OR51L1: variants seen among roughly 807,000 people sequenced by gnomAD.
OR51L1 encodes the protein olfactory receptor family 51 subfamily L member 1, also known as olfactory receptor 51L1.
Under a neutral mutation model 1.4 loss-of-function variants are expected in OR51L1, and 1 was observed. The observed-to-expected ratio is 0.72, with a 90% CI of 0.26 to 3.42. OR51L1 has a LOEUF of 3.42. Ranked by LOEUF, OR51L1 falls within the 30% of genes most tolerant of loss-of-function variation. The pLI, the probability that OR51L1 is intolerant of heterozygous loss-of-function variation, is 0.20. For missense variants in OR51L1, 378 were observed against 380.0 expected (o/e 0.99, Z 0.04); for synonymous variants, 156 against 144.2 (o/e 1.08, Z -0.59).
rs1847116634 is a variant in OR51L1, at chr11:5,000,086, C to T, written c.*156C>T. On this transcript the variant is annotated 3_prime_UTR_variant, in exon 3 of 3. Coordinates refer to ENST00000641819, the MANE Select transcript of OR51L1 (RefSeq NM_001004755.2). Reference sequence around the variant, plus strand: ...CAGTTAATCTTTAACCAATATGAAACTCAGGATTTTTTTGGACAAATTGTG... The same window carrying T: ...CAGTTAATCTTTAACCAATATGAAATTCAGGATTTTTTTGGACAAATTGTG... 3.6e-6 allele frequency: 3 copies of T among 822,184 alleles called. No homozygotes were observed. The highest frequency in any genetic ancestry group is 5.4e-5 in the East Asian group (2 of 36,760). 50.9% of individuals were successfully genotyped at this position (822,184 alleles called of 1,614,324 possible).
At position 5,004,830 on chromosome 11, in the gene OR51L1, C is replaced by T. The variant is rs1467580757; in HGVS notation, c.*4900C>T. 1 of 152,046 alleles carries T rather than the reference C, an allele frequency of 6.6e-6. No individual in the cohort carries two copies. Among genetic ancestry groups the T allele is most frequent in the Non-Finnish European group, 1.5e-5 (1 of 68,016 alleles). 9.4% of individuals were successfully genotyped at this position (152,046 alleles called of 1,614,324 possible). A position where few individuals can be genotyped will look rare whatever the true frequency, so the allele number is the denominator to read the frequency against. On this transcript the variant is annotated 3_prime_UTR_variant, in exon 3 of 3. Coordinates refer to ENST00000641819, the MANE Select transcript of OR51L1 (RefSeq NM_001004755.2). Reference sequence around the variant, plus strand: ...TTGTAAGGCTTTCCTTTTGATATTTCTAAATACAACACATGTAGAATTTAT... The same window carrying T: ...TTGTAAGGCTTTCCTTTTGATATTTTTAAATACAACACATGTAGAATTTAT...
At chr11:4,996,303 T>C (rs916758295) in intron 1 of OR51L1, among the ~76,000 whole-genome samples, 8 of 149,630 alleles carry the variant, frequency 5.3e-5, no homozygotes, top group Admixed American at 4.9e-4. Context: ...TATGTATATG[T>C]CTATGTATAT....
rs1847163105 is a variant in OR51L1 at position 5,004,919 on chromosome 11, A to T, written c.*4989A>T. The T allele has an allele frequency of 6.6e-6, 1 of 152,168 alleles. No homozygotes were observed. Among genetic ancestry groups the T allele is most frequent in the East Asian group, 1.9e-4 (1 of 5,196 alleles). 9.4% of individuals were successfully genotyped at this position (152,168 alleles called of 1,614,324 possible). ...GATATGAATACATAGTTCAGTCAGAACTATGTAAAAGAAAATAAAAATTGA... is the reference window on the plus strand; with the variant it reads ...GATATGAATACATAGTTCAGTCAGATCTATGTAAAAGAAAATAAAAATTGA... On this transcript the variant is annotated 3_prime_UTR_variant, in exon 3 of 3. Coordinates refer to ENST00000641819, the MANE Select transcript of OR51L1 (RefSeq NM_001004755.2).
rs1485176059 is a variant in OR51L1 at position 5,002,428 on chromosome 11, C to T, written c.*2498C>T. The stretch of plus-strand genomic sequence containing the variant: ...TTACCCAAAGCATTTTGCATTTCCT[C>T]CCACAAAAAAAGGGCTCTGACATGG... On this transcript the variant is annotated 3_prime_UTR_variant, in exon 3 of 3. Transcript: ENST00000641819. 5.3e-5 allele frequency: 8 copies of T among 152,090 alleles called. No individual in the cohort carries two copies. The highest frequency in any genetic ancestry group is 1.7e-4 in the African/African-American group (7 of 41,420). The allele number at this position is 152,090 out of a possible 1,614,324, so 9.4% of individuals were successfully genotyped here.
rs1847165713 is a variant in OR51L1, at chr11:5,005,228, A to C, written c.*5298A>C. ...ATGTCACTTACAAGTTTATCTTCCC[A>C]GGTGCAGAAAAGTCAAGATTCATTT... On this transcript the variant is annotated 3_prime_UTR_variant, in exon 3 of 3. Coordinates refer to ENST00000641819, the MANE Select transcript of OR51L1 (RefSeq NM_001004755.2). 1 of 152,226 alleles carries C rather than the reference A, an allele frequency of 6.6e-6. No individual in the cohort carries two copies. The highest frequency in any genetic ancestry group is 1.5e-5 in the Non-Finnish European group (1 of 68,044). The allele number at this position is 152,226 out of a possible 1,614,324, so 9.4% of individuals were successfully genotyped here.
In OR51L1 at chr11:4,999,045, A is replaced by G; in HGVS notation, c.63A>G (p.Gly21=). 2 of 1,614,036 alleles carry G rather than the reference A, an allele frequency of 1.2e-6. No homozygotes were observed. The highest frequency in any genetic ancestry group is 2.2e-5 in the South Asian group (2 of 91,064). ...TATTTATCCTGAGGGGTTTTCCTGG[A>G]CTGGAGTATGTTCATTCTTGGCTCT... ...EPIFILRGFP[G]LEYVHSWLSI... The change falls in exon 3 of 3, where the codon GGA becomes GGG. Residue 21 remains glycine (G), a synonymous_variant. Transcript: ENST00000641819.
chr11:4,996,705 TCC>T (rs1847072676), intron 1 of OR51L1, among the ~76,000 whole-genome samples: 2 of 133,426 alleles, frequency 1.5e-5, no homozygotes, highest in Non-Finnish European at 3.3e-5. Context: ...TTCTTTTCCT[TCC>T]TTCCTTTCTT....
chr11:4,999,883 A>T lies in OR51L1; in HGVS notation c.901A>T (p.Ile301Phe). 4 of 1,613,742 alleles carry T rather than the reference A, an allele frequency of 2.5e-6. No individual in the cohort carries two copies. The highest frequency in any genetic ancestry group is 3.4e-6 in the Non-Finnish European group (4 of 1,179,804). Residue 301 changes from isoleucine (I) to phenylalanine (F), a missense_variant, in exon 3 of 3, where the codon ATT becomes TTT. Ile to Phe is a conservative substitution (Grantham distance 21, BLOSUM62 0). Coordinates refer to ENST00000641819, the MANE Select transcript of OR51L1 (RefSeq NM_001004755.2). ...TGTCTATAGTGTCAGAACAAAGCAG[A>T]TTCGTCTAGGAATTCTCCACAAGTT... Reference protein sequence around the residue: ...PIVYSVRTKQIRLGILHKFVL... With the variant: ...PIVYSVRTKQFRLGILHKFVL...
Position 5,004,801 on chromosome 11 carries a change from A to T in OR51L1, c.*4871A>T, listed in dbSNP as rs959520062. On this transcript the variant is annotated 3_prime_UTR_variant, in exon 3 of 3. Coordinates refer to ENST00000641819, the MANE Select transcript of OR51L1 (RefSeq NM_001004755.2). ...ATGATGTCCTTCTGTGTAATTTTTG[A>T]AAGTTGTAAGGCTTTCCTTTTGATA... 6.6e-6 allele frequency: 1 copy of T among 152,196 alleles called. No individual in the cohort carries two copies. Among genetic ancestry groups the T allele is most frequent in the African/African-American group, 2.4e-5 (1 of 41,450 alleles). The allele number at this position is 152,196 out of a possible 1,614,324, so 9.4% of individuals were successfully genotyped here. A position where few individuals can be genotyped will look rare whatever the true frequency, so the allele number is the denominator to read the frequency against.
rs1466265393 is a variant in OR51L1 at position 5,004,555 on chromosome 11, A to G, written c.*4625A>G. 1 of 152,160 alleles carries G rather than the reference A, an allele frequency of 6.6e-6. No individual in the cohort carries two copies. The highest frequency in any genetic ancestry group is 1.5e-5 in the Non-Finnish European group (1 of 68,034). The allele number at this position is 152,160 out of a possible 1,614,324, so 9.4% of individuals were successfully genotyped here. ...AGTATTACTAAATATTTCTCATTAC[A>G]CGCCTCTGGTAGAAGAGAGAGAATA... On this transcript the variant is annotated 3_prime_UTR_variant, in exon 3 of 3. Coordinates refer to ENST00000641819, the MANE Select transcript of OR51L1 (RefSeq NM_001004755.2).
At position 5,001,293 on chromosome 11, in the gene OR51L1, A is replaced by G. The variant is rs1847128894; in HGVS notation, c.*1363A>G. 6.6e-6 allele frequency: 1 copy of G among 152,178 alleles called. No homozygotes were observed. The highest frequency in any genetic ancestry group is 2.1e-4 in the South Asian group (1 of 4,830). 9.4% of individuals were successfully genotyped at this position (152,178 alleles called of 1,614,324 possible). A position where few individuals can be genotyped will look rare whatever the true frequency, so the allele number is the denominator to read the frequency against. On this transcript the variant is annotated 3_prime_UTR_variant, in exon 3 of 3. Coordinates refer to ENST00000641819, the MANE Select transcript of OR51L1 (RefSeq NM_001004755.2). ...GTGGTTTGGCCAGTGGAAAGAAAGG[A>G]ATGTAAAGGTCGTAATTGCATTACT...
intron 1 of OR51L1, among the ~76,000 whole-genome samples, chr11:4,995,725 C>A (rs1847062358): frequency 6.6e-6 from 1 of 152,066 alleles, no homozygotes; most frequent in Non-Finnish European, 1.5e-5. Flanking sequence ...TATTATTTCT[C>A]TTTCGACCTC....
chr11:5,000,265 A>G lies in OR51L1; in HGVS notation c.*335A>G, dbSNP rs1330450942. 1 of 196,406 alleles carries G rather than the reference A, an allele frequency of 5.1e-6. No individual in the cohort carries two copies. The highest frequency in any genetic ancestry group is 5.2e-5 in the Admixed American group (1 of 19,120). 12.2% of individuals were successfully genotyped at this position (196,406 alleles called of 1,614,324 possible). A position where few individuals can be genotyped will look rare whatever the true frequency, so the allele number is the denominator to read the frequency against. ...TAACAGTATTTTCCTTCTTAAATGT[A>G]GCTGTGTTTATATTGTTTCTCATGT... On this transcript the variant is annotated 3_prime_UTR_variant, in exon 3 of 3. Coordinates refer to ENST00000641819, the MANE Select transcript of OR51L1 (RefSeq NM_001004755.2).
intron 1 of OR51L1, among the ~76,000 whole-genome samples, chr11:4,996,710 CCTTT>C (rs1160929144): frequency 2.5e-5 from 2 of 81,244 alleles, no homozygotes; most frequent in East Asian, 2.7e-4. Context: ...TTCCTTCCTT[CCTTT>C]CTTTTCTTTT....
rs1847127755 is a variant in OR51L1 at position 5,001,169 on chromosome 11, T to G, written c.*1239T>G. ...CTCAGGTGATCTGCCCACTTTGGCC[T>G]CCCAAAGTGCTGGGATTACAGGCGT... On this transcript the variant is annotated 3_prime_UTR_variant, in exon 3 of 3. Transcript: ENST00000641819. The G allele has an allele frequency of 6.6e-6, 1 of 152,138 alleles. No individual in the cohort carries two copies. The highest frequency in any genetic ancestry group is 1.5e-5 in the Non-Finnish European group (1 of 68,072). 9.4% of individuals were successfully genotyped at this position (152,138 alleles called of 1,614,324 possible).
intron 1 of OR51L1, among the ~76,000 whole-genome samples, chr11:4,996,761 C>CTTTCTTTA (rs754207262): frequency 8.1e-6 from 1 of 123,712 alleles, no homozygotes; most frequent in East Asian, 2.2e-4. Context: ...TTCTTTCTTT[C>CTTTCTTTA]TTTCTTTCAT....
chr11:5,001,584 G>A lies in OR51L1; in HGVS notation c.*1654G>A, dbSNP rs1268408997. On this transcript the variant is annotated 3_prime_UTR_variant, in exon 3 of 3. Transcript: ENST00000641819. ...ACCTCTTGTTCTACATGCCTGTGTG[G>A]ATCTGTAGTATTGTGTTTTTAATCA... 1 of 152,082 alleles carries A rather than the reference G, an allele frequency of 6.6e-6. No individual in the cohort carries two copies. Among genetic ancestry groups the A allele is most frequent in the Non-Finnish European group, 1.5e-5 (1 of 68,010 alleles). The allele number at this position is 152,082 out of a possible 1,614,324, so 9.4% of individuals were successfully genotyped here. A position where few individuals can be genotyped will look rare whatever the true frequency, so the allele number is the denominator to read the frequency against.
intron 1 of OR51L1, among the ~76,000 whole-genome samples, chr11:4,995,808 A>G (rs1256569019): frequency 6.6e-6 from 1 of 152,174 alleles, no homozygotes; most frequent in East Asian, 1.9e-4. Context: ...AAATAGAGTC[A>G]AAAGAAAATG....
chr11:4,999,472 C>T lies in OR51L1; in HGVS notation c.490C>T (p.Leu164=). The T allele has an allele frequency of 6.2e-7, 1 of 1,614,130 alleles. No homozygotes were observed. Among genetic ancestry groups the T allele is most frequent in the Non-Finnish European group, 8.5e-7 (1 of 1,180,032 alleles). The change falls in exon 3 of 3, where the codon CTA becomes TTA. Residue 164 remains leucine (L), a synonymous_variant. Coordinates refer to ENST00000641819, the MANE Select transcript of OR51L1 (RefSeq NM_001004755.2). ...SLGVVLPTPL[L]LRHYHYCHGN... ...GGGAGTTGTACTTCCCACACCTTTG[C>T]TACTGAGACACTATCACTACTGCCA...
Sources: gnomAD v4.1 joint callset for allele counts (sites outside exome capture counted in the v4.1 genomes callset) on GRCh38, gnomAD v4.1.1 for gene constraint, MANE v1.5 for transcripts, NCBI Gene and HGNC (gene_info 2026-07-23, HGNC 2026-07-21) for gene names.